Variants in COL14A1 observed in about 807,000 individuals in gnomAD.
COL14A1 encodes collagen alpha-1(XIV) chain.
In COL14A1, 136 loss-of-function variants were observed where a neutral mutation model predicts 230.3. The observed-to-expected ratio is 0.59, with a 90% CI of 0.51 to 0.68. COL14A1 has a LOEUF of 0.68. Among genes scored for constraint, COL14A1 ranks in the 30% least tolerant of loss-of-function variants. COL14A1 has a pLI of 0.00. For missense variants in COL14A1, 1,976 were observed against 2,215.8 expected (o/e 0.89, Z 2.17); for synonymous variants, 792 against 784.1 (o/e 1.01, Z -0.17).
chr8:120,257,855 G>GT (rs1819207214), intron 23 of COL14A1, among the ~76,000 whole-genome samples: 1 of 152,046 alleles, frequency 6.6e-6, no homozygotes, highest in South Asian at 2.1e-4. Context: ...ATTTTTTCCA[G>GT]TTTTTTTCCC....
rs373260897 is a variant in COL14A1 at position 120,285,991 on chromosome 8, A to G, written c.4077+21A>G. 9.1e-5 allele frequency: 116 copies of G among 1,279,496 alleles called. No homozygotes were observed. The African/African-American group carries it at 1.6e-3, about 18-fold the overall frequency. 79.3% of individuals were successfully genotyped at this position (1,279,496 alleles called of 1,614,324 possible). On this transcript the variant is annotated intron_variant, in intron 33 of 47. Transcript: ENST00000297848. ...ACAAGGTTAGTAATGCTTTGTATGC[A>G]TATATTCTTTATTCTATTTGCTATT...
At position 120,212,431 on chromosome 8, in the gene COL14A1, A is replaced by G. The variant is rs200217379; in HGVS notation, c.1468-17A>G. Reference sequence around the variant, plus strand: ...ATATGTATTGGCAAATGATCTAACAACATGTGTTCTTTTCAGATGAAAATT... The same window carrying G: ...ATATGTATTGGCAAATGATCTAACAGCATGTGTTCTTTTCAGATGAAAATT... On this transcript the variant is annotated splice_polypyrimidine_tract_variant and intron_variant, in intron 12 of 47. Coordinates refer to ENST00000297848, the MANE Select transcript of COL14A1 (RefSeq NM_021110.4). 4.3e-6 allele frequency: 7 copies of G among 1,611,978 alleles called. No individual in the cohort carries two copies. Among genetic ancestry groups the G allele is most frequent in the Admixed American group, 1.7e-5 (1 of 59,908 alleles).
At chr8:120,325,886 G>T (rs951166914) in intron 40 of COL14A1, among the ~76,000 whole-genome samples, 2 of 152,126 alleles carry the variant, frequency 1.3e-5, no homozygotes, top group South Asian at 2.1e-4. Context: ...GATATAGAAA[G>T]GTTTTGGGAC....
At chr8:120,364,864 C>T (rs564413331) in intron 45 of COL14A1, among the ~76,000 whole-genome samples, 7 of 149,404 alleles carry the variant, frequency 4.7e-5, no homozygotes, top group African/African-American at 1.7e-4. Context: ...GCCTAGATGA[C>T]AGAGTGAGTG....
intron 22 of COL14A1, among the ~76,000 whole-genome samples, 178 bp downstream of exon 22, chr8:120,250,944 A>G (rs1818928021): frequency 6.6e-6 from 1 of 152,144 alleles, no homozygotes; most frequent in African/African-American, 2.4e-5. Context: ...AGTAGCTGGG[A>G]TTACAGGCAC....
At chr8:120,266,129 C>G (rs1453782032) in intron 24 of COL14A1, among the ~76,000 whole-genome samples, 1 of 151,898 alleles carries the variant, frequency 6.6e-6, no homozygotes, top group Non-Finnish European at 1.5e-5. Context: ...TTATGTTTAC[C>G]TAATGACATC....
At chr8:120,222,489 C>G (rs1372839067) in intron 14 of COL14A1, among the ~76,000 whole-genome samples, 1 of 152,172 alleles carries the variant, frequency 6.6e-6, no homozygotes, top group Non-Finnish European at 1.5e-5. Flanking sequence ...TCTAGGATGA[C>G]TTCATATCCA....
In COL14A1 at chr8:120,216,410, T is replaced by C; in HGVS notation, c.1657T>C (p.Leu553=). The part of the protein sequence containing the change: ...ISNVGSNSAR[L]TWDPTSRQIN... ...CAATGTTGGCTCTAACAGTGCTCGA[T>C]TAACCTGGGACCCAACTTCAAGACA... Residue 553 remains leucine, a synonymous_variant, in exon 14 of 48, where the codon TTA becomes CTA. Coordinates refer to ENST00000297848, the MANE Select transcript of COL14A1 (RefSeq NM_021110.4). The C allele has an allele frequency of 1.2e-6, 2 of 1,613,864 alleles. No homozygotes were observed. Among genetic ancestry groups the C allele is most frequent in the Non-Finnish European group, 8.5e-7 (1 of 1,179,888 alleles).
At chr8:120,273,534 T>C (rs1361994261) in intron 26 of COL14A1, among the ~76,000 whole-genome samples, 1 of 151,748 alleles carries the variant, frequency 6.6e-6, no homozygotes, top group Non-Finnish European at 1.5e-5. Flanking sequence ...ACAAAATTGA[T>C]AGACCATTAG....
intron 45 of COL14A1, among the ~76,000 whole-genome samples, chr8:120,353,614 T>G (rs1266589168): frequency 6.6e-6 from 1 of 151,530 alleles, no homozygotes; most frequent in East Asian, 2.0e-4. Context: ...AGAAGACATT[T>G]ATGCAGCCAA....
rs1821024327 is a variant in COL14A1, at chr8:120,311,182, G to T, written c.4455+1120G>T. 2.0e-5 allele frequency among the ~76,000 whole-genome samples: 3 copies of T among 152,118 alleles called. No homozygotes were observed. In the South Asian group the frequency reaches 6.2e-4, roughly 31 times the overall value. On this transcript the variant is annotated intron_variant, in intron 37 of 47. Coordinates refer to ENST00000297848, the MANE Select transcript of COL14A1 (RefSeq NM_021110.4). ...CTTTTTTGTTTATTTTGTTTGGTGG[G>T]ACAGACTTGAGGTATCTTACTTGGT... is the stretch of plus-strand genomic sequence containing the variant.
chr8:120,299,199 C>G (rs1006106810), intron 35 of COL14A1, among the ~76,000 whole-genome samples: 1 of 152,036 alleles, frequency 6.6e-6, no homozygotes. Flanking sequence ...GGTGGGGACA[C>G]AGCCAAACTG....
At chr8:120,244,459 T>C (rs1274518575) in intron 20 of COL14A1, among the ~76,000 whole-genome samples, 2 of 152,176 alleles carry the variant, frequency 1.3e-5, no homozygotes, top group Non-Finnish European at 2.9e-5. Flanking sequence ...TTAGTGGTGA[T>C]TTGTGATATT....
chr8:120,273,987 C>T (rs747471716), intron 26 of COL14A1, among the ~76,000 whole-genome samples: 1 of 151,580 alleles, frequency 6.6e-6, no homozygotes, highest in East Asian at 1.9e-4. Flanking sequence ...TTTGTGAAGC[C>T]AGTATTACCT....
At chr8:120,129,730 T>G (rs1445462290) in intron 1 of COL14A1, among the ~76,000 whole-genome samples, 1 of 152,176 alleles carries the variant, frequency 6.6e-6, no homozygotes, top group Non-Finnish European at 1.5e-5. Flanking sequence ...GGCACACAAC[T>G]TGGGAGCAGA....
chr8:120,146,900 G>A (rs1450750282), intron 1 of COL14A1, among the ~76,000 whole-genome samples: 1 of 152,002 alleles, frequency 6.6e-6, no homozygotes, highest in Non-Finnish European at 1.5e-5. Context: ...CTGAGGGAAG[G>A]ATTTCAGAAT....
intron 1 of COL14A1, among the ~76,000 whole-genome samples, chr8:120,146,307 G>T (rs913554003): frequency 6.6e-6 from 1 of 152,134 alleles, no homozygotes; most frequent in Non-Finnish European, 1.5e-5. Flanking sequence ...ATCAGAAAAA[G>T]CTATGCATCT....
chr8:120,154,889 T>G (rs2130504871), intron 2 of COL14A1, among the ~76,000 whole-genome samples: 1 of 152,336 alleles, frequency 6.6e-6, no homozygotes, highest in East Asian at 1.9e-4. Context: ...CAATTATTTC[T>G]CCATGGCACT....
At chr8:120,254,921 G>A (rs1819094324) in intron 22 of COL14A1, among the ~76,000 whole-genome samples, 1 of 152,066 alleles carries the variant, frequency 6.6e-6, no homozygotes, top group African/African-American at 2.4e-5. Context: ...GAGCCCAGGA[G>A]GTTGAGGTTA....
Sources: gnomAD v4.1 joint callset for allele counts (sites outside exome capture counted in the v4.1 genomes callset) on GRCh38, gnomAD v4.1.1 for gene constraint, MANE v1.5 for transcripts, NCBI Gene and HGNC (gene_info 2026-07-23, HGNC 2026-07-21) for gene names.